The following TRAPPC9 variants were observed in gnomAD, a reference collection of about 807,000 sequenced individuals.
TRAPPC9 encodes the protein IKK2 binding protein.
TRAPPC9 carries 83 observed loss-of-function variants against 124.0 expected under a neutral mutation model. The ratio of observed to expected loss-of-function variants is 0.67; its 90% CI spans 0.56 to 0.80. The LOEUF is 0.80. Ranked by LOEUF, TRAPPC9 falls within the 30% of genes least tolerant of loss-of-function variation. The pLI, the probability that TRAPPC9 is intolerant of heterozygous loss-of-function variation, is 0.00. For missense variants in TRAPPC9, 1,302 were observed against 1,508.3 expected (o/e 0.86, Z 2.27); for synonymous variants, 638 against 617.5 (o/e 1.03, Z -0.49).
intron 19 of TRAPPC9, among the ~76,000 whole-genome samples, chr8:139,936,442 T>C (rs1411849571): frequency 6.6e-6 from 1 of 152,040 alleles, no homozygotes; most frequent in Non-Finnish European, 1.5e-5. Flanking sequence ...TCGACACCTA[T>C]ATGCGGAGCT....
At chr8:140,031,702 C>T (rs1015916618) in intron 17 of TRAPPC9, among the ~76,000 whole-genome samples, 2 of 152,172 alleles carry the variant, frequency 1.3e-5, no homozygotes. Context: ...GCACTTTCAA[C>T]CAAAGTTTTT....
intron 17 of TRAPPC9, among the ~76,000 whole-genome samples, chr8:140,136,437 T>A (rs902221069): frequency 7.9e-5 from 12 of 152,120 alleles, no homozygotes; most frequent in African/African-American, 2.9e-4. Context: ...ACTGAGCACA[T>A]ACATGCATTT....
At chr8:139,905,799 A>G (rs1281690391) in intron 20 of TRAPPC9, among the ~76,000 whole-genome samples, 2 of 152,192 alleles carry the variant, frequency 1.3e-5, no homozygotes, top group African/African-American at 4.8e-5. Context: ...TTCCTAAAGA[A>G]AAAAGGGGTA....
rs1228353322 is a variant in TRAPPC9, at chr8:139,817,045, A to AACAC, written c.3055+68830_3055+68833dup. Among the ~76,000 whole-genome samples the AACAC allele has an allele frequency of 2.5e-3, 340 of 135,380 alleles. 3 individuals carry two copies. The highest frequency in any genetic ancestry group is 5.6e-3 in the African/African-American group (193 of 34,260). 88.8% of individuals were successfully genotyped at this position (135,380 alleles called of 152,430 possible). The stretch of plus-strand genomic sequence containing the variant: ...CTTCAGTAAGGAAGAACATAAACTA[A>AACAC]ACACACACACACACACACACACACA... On this transcript the variant is annotated intron_variant, in intron 21 of 22. Coordinates refer to ENST00000438773, the MANE Select transcript of TRAPPC9 (RefSeq NM_001160372.4).
At chr8:140,078,420 G>A (rs941368932) in intron 17 of TRAPPC9, among the ~76,000 whole-genome samples, 1 of 152,170 alleles carries the variant, frequency 6.6e-6, no homozygotes, top group African/African-American at 2.4e-5. Context: ...GGCAGGGAGG[G>A]TGGAGTGGCA....
Position 139,833,042 on chromosome 8 carries a change from G to A in TRAPPC9, c.3055+52837C>T, listed in dbSNP as rs371660119. Among the ~76,000 whole-genome samples, 532 of 152,280 alleles carry A rather than the reference G, an allele frequency of 3.5e-3. 6 individuals carry two copies. The highest frequency in any genetic ancestry group is 3.8e-3 in the Non-Finnish European group (257 of 68,024). On this transcript the variant is annotated intron_variant, in intron 21 of 22. Coordinates refer to ENST00000438773, the MANE Select transcript of TRAPPC9 (RefSeq NM_001160372.4). ...TGCAGGTTTGAGATGGAGGGGCCACGTGTCCAGGAATGGGGGTGGCCTCTG... is the reference window on the plus strand; with the variant it reads ...TGCAGGTTTGAGATGGAGGGGCCACATGTCCAGGAATGGGGGTGGCCTCTG...
At chr8:140,227,422 A>G (rs937695266) in intron 16 of TRAPPC9, among the ~76,000 whole-genome samples, 1 of 152,152 alleles carries the variant, frequency 6.6e-6, no homozygotes, top group African/African-American at 2.4e-5. Context: ...AGTTTAGTGG[A>G]TTTATCAGGA....
At chr8:139,814,082 C>T (rs1178940383) in intron 21 of TRAPPC9, among the ~76,000 whole-genome samples, 1 of 152,212 alleles carries the variant, frequency 6.6e-6, no homozygotes, top group Non-Finnish European at 1.5e-5. Flanking sequence ...CCTCTGAGCT[C>T]CCGCCTCTGA....
At chr8:140,212,914 T>TA (rs1301931114) in intron 17 of TRAPPC9, among the ~76,000 whole-genome samples, 4 of 112,040 alleles carry the variant, frequency 3.6e-5, no homozygotes, top group African/African-American at 1.3e-4. Flanking sequence ...ACAAAAAATA[T>TA]AAAAATTAGC....
intron 7 of TRAPPC9, among the ~76,000 whole-genome samples, chr8:140,381,667 CAAAAAAAAAAAA>C (rs56659960): frequency 1.4e-4 from 7 of 48,414 alleles, no homozygotes; most frequent in Admixed American, 3.1e-4. Flanking sequence ...GACTCTGTCT[CAAAAAAAAAAAA>C]AAAAAAAAAA....
chr8:140,173,119 T>A (rs1250004659), intron 17 of TRAPPC9, among the ~76,000 whole-genome samples: 1 of 152,230 alleles, frequency 6.6e-6, no homozygotes, highest in Non-Finnish European at 1.5e-5. Context: ...CTAGGTTTTA[T>A]ACTGACGTAT....
chr8:140,330,311 C>T (rs2066863041), intron 9 of TRAPPC9, among the ~76,000 whole-genome samples: 1 of 152,174 alleles, frequency 6.6e-6, no homozygotes. Context: ...GAAAAAGTCA[C>T]ATGCCACCAC....
At chr8:140,167,357 G>C (rs945097241) in intron 17 of TRAPPC9, among the ~76,000 whole-genome samples, 1 of 152,124 alleles carries the variant, frequency 6.6e-6, no homozygotes, top group South Asian at 2.1e-4. Flanking sequence ...TTTAAGGACT[G>C]AGATAGGAAG....
chr8:140,457,010 G>A (rs1196900871), intron 1 of TRAPPC9, among the ~76,000 whole-genome samples: 2 of 152,248 alleles, frequency 1.3e-5, no homozygotes, highest in Non-Finnish European at 2.9e-5. Flanking sequence ...CCTGGGATAA[G>A]TTGGAGTTGA....
At chr8:140,374,937 A>C (rs2068391999) in intron 7 of TRAPPC9, among the ~76,000 whole-genome samples, 1 of 152,242 alleles carries the variant, frequency 6.6e-6, no homozygotes, top group Admixed American at 6.5e-5. Flanking sequence ...TAAGAAGTCA[A>C]ATGATAAATA....
intron 17 of TRAPPC9, among the ~76,000 whole-genome samples, chr8:140,106,166 G>C (rs989515769): frequency 2.0e-5 from 3 of 152,026 alleles, no homozygotes; most frequent in African/African-American, 7.2e-5. Flanking sequence ...CAGGACGAAA[G>C]CCTCTCCGCC....
intron 20 of TRAPPC9, among the ~76,000 whole-genome samples, chr8:139,894,488 TCCTAGGAAAC>T (rs1413765408): frequency 2.6e-5 from 4 of 151,986 alleles, no homozygotes; most frequent in African/African-American, 4.8e-5. Context: ...GCGCCACTCC[TCCTAGGAAAC>T]GCCATCCCCT....
chr8:140,187,067 TTTAA>T (rs1412993972), intron 17 of TRAPPC9, among the ~76,000 whole-genome samples: 1 of 152,172 alleles, frequency 6.6e-6, no homozygotes, highest in Non-Finnish European at 1.5e-5. Flanking sequence ...CCGTAAGTGT[TTTAA>T]AAAGATTTGG....
At chr8:139,970,398 AG>A (rs1189837689) in intron 19 of TRAPPC9, among the ~76,000 whole-genome samples, 2 of 152,206 alleles carry the variant, frequency 1.3e-5, no homozygotes, top group Non-Finnish European at 2.9e-5. Flanking sequence ...GAGGCATTTG[AG>A]GACTCAAGAA....
Sources: allele counts gnomAD v4.1 joint callset (sites outside exome capture counted in the v4.1 genomes callset), GRCh38; gene constraint gnomAD v4.1.1; transcripts MANE v1.5; gene names NCBI Gene and HGNC (gene_info 2026-07-23, HGNC 2026-07-21).